Variants in LGR4 observed in about 807,000 individuals in gnomAD.
The protein encoded by LGR4 is leucine-rich repeat-containing G protein-coupled receptor 4.
Under a neutral mutation model 84.8 loss-of-function variants are expected in LGR4, and 44 were observed. That is an observed-to-expected ratio of 0.52 (90% CI 0.41 to 0.67). The LOEUF is 0.67. Among genes scored for constraint, LGR4 ranks in the 30% least tolerant of loss-of-function variants. The pLI is 0.00. For missense variants in LGR4, 1,032 were observed against 1,131.4 expected (o/e 0.91, Z 1.26); for synonymous variants, 429 against 434.3 (o/e 0.99, Z 0.15).
intron 1 of LGR4, among the ~76,000 whole-genome samples, chr11:27,470,062 C>CTAATAAGAAATAA (rs1864843262): frequency 6.6e-6 from 1 of 152,054 alleles, no homozygotes; most frequent in Non-Finnish European, 1.5e-5. Context: ...TAAGGAGTCA[C>CTAATAAGAAATAA]CAGAATGTAC....
At chr11:27,448,455 G>A (rs574819179) in intron 1 of LGR4, among the ~76,000 whole-genome samples, 69 of 152,012 alleles carry the variant, frequency 4.5e-4, no homozygotes, top group African/African-American at 1.6e-3. Flanking sequence ...TCCATGCCTG[G>A]CTAATTTTGT....
chr11:27,387,504 C>G (rs946199382), intron 4 of LGR4, among the ~76,000 whole-genome samples: 2 of 151,954 alleles, frequency 1.3e-5, no homozygotes, highest in Non-Finnish European at 2.9e-5. Flanking sequence ...AGGAGCTGGG[C>G]AAGGAGTGTT....
intron 1 of LGR4, among the ~76,000 whole-genome samples, chr11:27,424,259 G>A (rs1863978979): frequency 6.6e-6 from 1 of 151,974 alleles, no homozygotes; most frequent in African/African-American, 2.4e-5. Flanking sequence ...AGAATATAAG[G>A]CCAAGCACAG....
intron 11 of LGR4, 45 bp downstream of exon 11, chr11:27,378,652 T>C (rs371945235): frequency 8.4e-6 from 11 of 1,306,016 alleles, no homozygotes; most frequent in Admixed American, 5.3e-5. Context: ...TGTGTGAATA[T>C]ATAAACAAAA....
intron 2 of LGR4, among the ~76,000 whole-genome samples, chr11:27,408,789 T>C (rs1863658224): frequency 6.6e-6 from 1 of 152,168 alleles, no homozygotes; most frequent in African/African-American, 2.4e-5. Context: ...TTTAAGATGA[T>C]TAGTAAAATT....
chr11:27,442,387 T>C (rs1864318390), intron 1 of LGR4, among the ~76,000 whole-genome samples: 1 of 152,174 alleles, frequency 6.6e-6, no homozygotes. Flanking sequence ...ACTAATAACT[T>C]AGTCCCATGC....
chr11:27,414,791 C>T (rs933506114), intron 1 of LGR4, among the ~76,000 whole-genome samples: 7 of 152,092 alleles, frequency 4.6e-5, no homozygotes, highest in African/African-American at 1.7e-4. Flanking sequence ...CACACTGCCA[C>T]ATAGCCATTG....
intron 1 of LGR4, among the ~76,000 whole-genome samples, chr11:27,424,083 C>G (rs979635010): frequency 2.0e-5 from 3 of 152,134 alleles, no homozygotes; most frequent in African/African-American, 2.4e-5. Context: ...TTTATTGAAG[C>G]AGTTTCTGTT....
intron 1 of LGR4, among the ~76,000 whole-genome samples, chr11:27,428,170 T>C (rs1213498606): frequency 6.6e-6 from 1 of 151,838 alleles, no homozygotes; most frequent in African/African-American, 2.4e-5. Flanking sequence ...TTTTTTGAGA[T>C]GCAGTCACCC....
At position 27,449,543 on chromosome 11, in the gene LGR4, T is replaced by C. The variant is rs977381590; in HGVS notation, c.185+22575A>G. On this transcript the variant is annotated intron_variant, in intron 1 of 17. Coordinates refer to ENST00000379214, the MANE Select transcript of LGR4 (RefSeq NM_018490.5). ...CCTGCAGTGACCCATGATCACGCCA[T>C]TGCACACCAGCCTGGGCGACAAAGT... Among the ~76,000 whole-genome samples, 20 of 151,662 alleles carry C rather than the reference T, an allele frequency of 1.3e-4. No homozygotes were observed. In the South Asian group the frequency reaches 1.5e-3, roughly 11 times the overall value.
At chr11:27,449,520 T>G (rs2133442206) in intron 1 of LGR4, among the ~76,000 whole-genome samples, 1 of 151,974 alleles carries the variant, frequency 6.6e-6, no homozygotes, top group Non-Finnish European at 1.5e-5. Context: ...AGCTTGAGCC[T>G]GCAGTGACCC....
intron 1 of LGR4, among the ~76,000 whole-genome samples, chr11:27,414,925 T>C (rs1863785592): frequency 6.6e-6 from 1 of 152,158 alleles, no homozygotes; most frequent in African/African-American, 2.4e-5. Flanking sequence ...CCCTTTTCTG[T>C]AGTTTATTCA....
chr11:27,441,182 A>ATATCCTCAATGTATCAT (rs1207717855), intron 1 of LGR4, among the ~76,000 whole-genome samples: 1 of 152,224 alleles, frequency 6.6e-6, no homozygotes, highest in African/African-American at 2.4e-5. Context: ...CATGTAGCCA[A>ATATCCTCAATGTATCAT]GTATCCTCAA....
At chr11:27,406,372 G>C (rs1186036625) in intron 2 of LGR4, among the ~76,000 whole-genome samples, 5 of 152,014 alleles carry the variant, frequency 3.3e-5, no homozygotes, top group Non-Finnish European at 4.4e-5. Flanking sequence ...ACATCTACAG[G>C]GGCATAGGCA....
chr11:27,454,577 T>C (rs1349585377), intron 1 of LGR4, among the ~76,000 whole-genome samples: 1 of 152,126 alleles, frequency 6.6e-6, no homozygotes, highest in Admixed American at 6.5e-5. Flanking sequence ...CTGGCCAAGA[T>C]GGTGAAACCC....
At chr11:27,393,638 T>C (rs1565077308) in intron 2 of LGR4, among the ~76,000 whole-genome samples, 2 of 152,070 alleles carry the variant, frequency 1.3e-5, no homozygotes. Context: ...AAACTCTGCA[T>C]CCCTAAGCCT....
chr11:27,382,539 T>A (rs1238469271), intron 6 of LGR4, among the ~76,000 whole-genome samples: 11 of 152,212 alleles, frequency 7.2e-5, no homozygotes, highest in Admixed American at 7.2e-4. Flanking sequence ...ATGCATTAAA[T>A]ACATAAATCA....
At chr11:27,430,366 G>A (rs1198571064) in intron 1 of LGR4, among the ~76,000 whole-genome samples, 1 of 152,160 alleles carries the variant, frequency 6.6e-6, no homozygotes, top group Non-Finnish European at 1.5e-5. Flanking sequence ...AGATCTCAGA[G>A]AACAAGTTGC....
At chr11:27,427,393 A>G (rs913320693) in intron 1 of LGR4, among the ~76,000 whole-genome samples, 1 of 152,190 alleles carries the variant, frequency 6.6e-6, no homozygotes, top group Non-Finnish European at 1.5e-5. Flanking sequence ...GGTAGAGTCT[A>G]GAGGACAGAG....
Sources: gnomAD v4.1 joint callset for allele counts (sites outside exome capture counted in the v4.1 genomes callset) on GRCh38, gnomAD v4.1.1 for gene constraint, MANE v1.5 for transcripts, NCBI Gene and HGNC (gene_info 2026-07-23, HGNC 2026-07-21) for gene names.